LRRC4C: variants seen among roughly 807,000 people sequenced by gnomAD.
LRRC4C encodes leucine rich repeat containing 4C, also known as leucine-rich repeat-containing protein 4C.
LRRC4C carries 5 observed loss-of-function variants against 33.6 expected under a neutral mutation model. The observed-to-expected ratio is 0.15, with a 90% CI of 0.08 to 0.31. The LOEUF is 0.31. Among genes scored for constraint, LRRC4C ranks in the 10% least tolerant of loss-of-function variants. The pLI, the probability that LRRC4C is intolerant of heterozygous loss-of-function variation, is 1.00. For missense variants in LRRC4C, 560 were observed against 796.7 expected (o/e 0.70, Z 3.58); for synonymous variants, 329 against 302.0 (o/e 1.09, Z -0.93).
chr11:41,194,415 C>T lies in LRRC4C; in HGVS notation c.-495-260692G>A, dbSNP rs114017187. ...GGTATTCATGTCTTTATATAATCCC[C>T]TCAAGTATGGATGCAACCTATGACT... is the stretch of plus-strand genomic sequence containing the variant. On this transcript the variant is annotated intron_variant, in intron 1 of 6. Coordinates refer to ENST00000528697, the MANE Select transcript of LRRC4C (RefSeq NM_001258419.2). 7.7e-3 allele frequency among the ~76,000 whole-genome samples: 1,168 copies of T among 152,102 alleles called. 10 individuals are homozygous for T. Among genetic ancestry groups the T allele is most frequent in the African/African-American group, 0.026 (1,093 of 41,484 alleles).
chr11:40,670,882 GCCTCCC>G (rs1944062912), intron 2 of LRRC4C, among the ~76,000 whole-genome samples: 1 of 152,144 alleles, frequency 6.6e-6, no homozygotes, highest in Non-Finnish European at 1.5e-5. Context: ...TCCTGCCTCA[GCCTCCC>G]GAGTGGCTGG....
At chr11:41,012,843 A>C (rs1855306484) in intron 1 of LRRC4C, among the ~76,000 whole-genome samples, 1 of 152,084 alleles carries the variant, frequency 6.6e-6, no homozygotes, top group Non-Finnish European at 1.5e-5. Context: ...GATTTGTGGT[A>C]CTGAACATTT....
intron 4 of LRRC4C, among the ~76,000 whole-genome samples, chr11:40,257,071 T>A (rs1026793903): frequency 1.9e-4 from 29 of 152,164 alleles, no homozygotes; most frequent in Admixed American, 6.5e-5. Context: ...TTGGCTCTTG[T>A]ATTTTGAAGG....
chr11:40,832,057 A>C (rs1434161928), intron 2 of LRRC4C, among the ~76,000 whole-genome samples: 1 of 152,148 alleles, frequency 6.6e-6, no homozygotes, highest in Non-Finnish European at 1.5e-5. Flanking sequence ...TGTGATTGTT[A>C]TTGCGTGTAC....
chr11:40,338,849 G>T (rs2136994456), intron 3 of LRRC4C, among the ~76,000 whole-genome samples: 1 of 152,232 alleles, frequency 6.6e-6, no homozygotes, highest in Non-Finnish European at 1.5e-5. Context: ...CTGGCCACTA[G>T]ACTATAAAAA....
intron 1 of LRRC4C, among the ~76,000 whole-genome samples, chr11:41,149,131 A>G (rs1024470785): frequency 1.3e-5 from 2 of 152,202 alleles, no homozygotes; most frequent in Admixed American, 6.5e-5. Flanking sequence ...TTTAAACTCA[A>G]TCTTGACTAT....
chr11:40,864,108 A>T (rs1313801537), intron 2 of LRRC4C, among the ~76,000 whole-genome samples: 2 of 152,098 alleles, frequency 1.3e-5, no homozygotes, highest in Non-Finnish European at 2.9e-5. Flanking sequence ...TCACTCTGTC[A>T]CCCAGGCTAG....
At chr11:40,839,322 CCTCAGCAATT>C (rs1200484417) in intron 2 of LRRC4C, among the ~76,000 whole-genome samples, 1 of 152,120 alleles carries the variant, frequency 6.6e-6, no homozygotes, top group African/African-American at 2.4e-5. Context: ...GCAACCTCCG[CCTCAGCAATT>C]CTCAGCAATT....
intron 1 of LRRC4C, among the ~76,000 whole-genome samples, chr11:41,072,292 C>T (rs1331209157): frequency 1.7e-3 from 1 of 576 alleles, no homozygotes; most frequent in Non-Finnish European, 0.056. Flanking sequence ...TGAAGACCCT[C>T]CACTGGCAAA....
intron 2 of LRRC4C, among the ~76,000 whole-genome samples, chr11:40,908,577 T>C (rs1327987016): frequency 6.6e-6 from 1 of 152,040 alleles, no homozygotes; most frequent in African/African-American, 2.4e-5. Flanking sequence ...GAAGGTTCAT[T>C]TGGAAAAAAT....
Position 41,132,336 on chromosome 11 carries a change from A to C in LRRC4C, c.-495-198613T>G, listed in dbSNP as rs558919408. On this transcript the variant is annotated intron_variant, in intron 1 of 6. Coordinates refer to ENST00000528697, the MANE Select transcript of LRRC4C (RefSeq NM_001258419.2). ...GTAGTTTGACCATAGATATTCATTCATCAGATAGTTGGTGAGTATATTTAA... is the reference window on the plus strand; with the variant it reads ...GTAGTTTGACCATAGATATTCATTCCTCAGATAGTTGGTGAGTATATTTAA... Among the ~76,000 whole-genome samples the C allele has an allele frequency of 3.3e-4, 50 of 152,310 alleles. 1 individual carries two copies. In the South Asian group the frequency reaches 6.6e-3, roughly 20 times the overall value.
chr11:40,408,280 T>C (rs1950031171), intron 3 of LRRC4C, among the ~76,000 whole-genome samples: 1 of 152,030 alleles, frequency 6.6e-6, no homozygotes, highest in East Asian at 1.9e-4. Flanking sequence ...CAAGTGTGTG[T>C]TTGGGATTTA....
intron 5 of LRRC4C, among the ~76,000 whole-genome samples, chr11:40,153,593 A>C (rs967577037): frequency 1.3e-5 from 2 of 152,134 alleles, no homozygotes; most frequent in African/African-American, 4.8e-5. Flanking sequence ...GCTTAAAAAA[A>C]AAAACAATAA....
chr11:40,473,154 A>G (rs959372822), intron 3 of LRRC4C, among the ~76,000 whole-genome samples: 1 of 152,186 alleles, frequency 6.6e-6, no homozygotes, highest in South Asian at 2.1e-4. Flanking sequence ...CAACAACAAA[A>G]AAGAATTTCA....
At chr11:41,174,216 T>C (rs921163031) in intron 1 of LRRC4C, among the ~76,000 whole-genome samples, 4 of 152,150 alleles carry the variant, frequency 2.6e-5, no homozygotes, top group African/African-American at 9.6e-5. Context: ...AAGTTATTTA[T>C]GTATGAGTTA....
chr11:40,244,344 A>G (rs1440628840), intron 4 of LRRC4C, among the ~76,000 whole-genome samples: 1 of 151,948 alleles, frequency 6.6e-6, no homozygotes, highest in Non-Finnish European at 1.5e-5. Context: ...TCTCTCCCAA[A>G]GCACAGGATA....
chr11:40,758,938 A>T lies in LRRC4C; in HGVS notation c.-406-110660T>A, dbSNP rs184794005. On this transcript the variant is annotated intron_variant, in intron 2 of 6. Coordinates refer to ENST00000528697, the MANE Select transcript of LRRC4C (RefSeq NM_001258419.2). ...GAAAGAAATTACAGGCTCAGTAACC[A>T]CTAATAATCAATATCTCTTTTTCTT... 6.7e-3 allele frequency among the ~76,000 whole-genome samples: 1,010 copies of T among 151,768 alleles called. 53 individuals carry two copies. The highest frequency in any genetic ancestry group is 0.06 in the Admixed American group (908 of 15,172).
intron 1 of LRRC4C, among the ~76,000 whole-genome samples, chr11:41,415,251 A>T (rs1954632948): frequency 6.6e-6 from 1 of 152,154 alleles, no homozygotes; most frequent in Non-Finnish European, 1.5e-5. Flanking sequence ...GTAGGCAAGT[A>T]CTTCCTGTAA....
At chr11:40,729,819 T>C (rs545113667) in intron 2 of LRRC4C, among the ~76,000 whole-genome samples, 1 of 152,206 alleles carries the variant, frequency 6.6e-6, no homozygotes, top group Non-Finnish European at 1.5e-5. Context: ...ATCATTTTTA[T>C]ACTTAATATT....
Sources: gnomAD v4.1 joint callset for allele counts (sites outside exome capture counted in the v4.1 genomes callset) on GRCh38, gnomAD v4.1.1 for gene constraint, MANE v1.5 for transcripts, NCBI Gene and HGNC (gene_info 2026-07-23, HGNC 2026-07-21) for gene names.